Variants in PLAG1 observed in about 807,000 individuals in gnomAD.
The protein encoded by PLAG1 is PLAG1 zinc finger.
In PLAG1, 7 loss-of-function variants were observed where a neutral mutation model predicts 35.5. That is an observed-to-expected ratio of 0.20 (90% CI 0.11 to 0.37). The LOEUF is 0.37. PLAG1 is among the 10% of genes least tolerant of loss of function. PLAG1 has a pLI of 1.00. For missense variants in PLAG1, 454 were observed against 602.8 expected (o/e 0.75, Z 2.58); for synonymous variants, 229 against 225.4 (o/e 1.02, Z -0.14).
chr8:56,186,040 T>G (rs572329167), intron 1 of PLAG1, among the ~76,000 whole-genome samples: 53 of 151,556 alleles, frequency 3.5e-4, no homozygotes, highest in African/African-American at 1.3e-3. Flanking sequence ...AGTCACAAAC[T>G]GTATGGTGGG....
intron 2 of PLAG1, among the ~76,000 whole-genome samples, chr8:56,178,292 A>T (rs1021983166): frequency 5.9e-5 from 9 of 152,192 alleles, no homozygotes; most frequent in Admixed American, 1.3e-4. Flanking sequence ...TAGTTTGGCT[A>T]AGTAAAACTA....
In PLAG1 at chr8:56,167,971, C is replaced by T. The variant is rs1811409386; in HGVS notation, c.242+57G>A. 2 of 977,464 alleles carry T rather than the reference C, an allele frequency of 2.0e-6. No homozygotes were observed. The allele number at this position is 977,464 out of a possible 1,614,324, so 60.5% of individuals were successfully genotyped here. A position where few individuals can be genotyped will look rare whatever the true frequency, so the allele number is the denominator to read the frequency against. On this transcript the variant is annotated intron_variant, in intron 4 of 4. Coordinates refer to ENST00000316981, the MANE Select transcript of PLAG1 (RefSeq NM_002655.3). This position sits in a 1 kb window ranked among gnomAD's most constrained non-coding sequence, Gnocchi z 5.9. ...ATACAAATACATACGTTTACAATGG[C>T]TTCAAACAGCCAACATAAGAGAAAA...
chr8:56,183,867 A>C (rs1208313005), intron 1 of PLAG1, among the ~76,000 whole-genome samples: 1 of 152,198 alleles, frequency 6.6e-6, no homozygotes, highest in Non-Finnish European at 1.5e-5. Flanking sequence ...TAAAACCTAA[A>C]ACTATAAAAC....
intron 1 of PLAG1, among the ~76,000 whole-genome samples, chr8:56,205,342 AT>A (rs1245311150): frequency 6.6e-6 from 1 of 151,902 alleles, no homozygotes; most frequent in Non-Finnish European, 1.5e-5. Context: ...AATTTTTCTT[AT>A]TTAAAAAAAA....
At chr8:56,174,796 A>G (rs1001154750) in intron 2 of PLAG1, among the ~76,000 whole-genome samples, 5 of 152,282 alleles carry the variant, frequency 3.3e-5, no homozygotes, top group Middle Eastern at 6.8e-3. Context: ...ACATGCACAG[A>G]CTTTTTTGGT....
intron 3 of PLAG1, among the ~76,000 whole-genome samples, chr8:56,170,568 G>C (rs975262017): frequency 1.8e-4 from 27 of 152,230 alleles, no homozygotes; most frequent in African/African-American, 6.5e-4. Flanking sequence ...TTTCCCAATT[G>C]CAGAATCTAC....
At position 56,161,177 on chromosome 8, in the gene PLAG1, TATACAA is replaced by T. The variant is rs1432594993; in HGVS notation, c.*5060_*5065del. On this transcript the variant is annotated 3_prime_UTR_variant, in exon 5 of 5. Transcript: ENST00000316981. ...AAAAATATGATCTTTGTCTATATTT[TATACAA>T]ATACAACAGTAGTTTGTGAATACAT... The T allele has an allele frequency of 1.0e-5, 2 of 193,788 alleles. No individual in the cohort carries two copies. Among genetic ancestry groups the T allele is most frequent in the Non-Finnish European group, 2.2e-5 (2 of 92,738 alleles). 12.0% of individuals were successfully genotyped at this position (193,788 alleles called of 1,614,324 possible). A position where few individuals can be genotyped will look rare whatever the true frequency, so the allele number is the denominator to read the frequency against.
intron 1 of PLAG1, among the ~76,000 whole-genome samples, chr8:56,210,833 T>C (rs1563400996): frequency 6.6e-6 from 1 of 151,804 alleles, no homozygotes; most frequent in Non-Finnish European, 1.5e-5. Flanking sequence ...TAAAGGTTTT[T>C]TTTTTTTTCC....
In PLAG1 at chr8:56,166,944, G is replaced by T; in HGVS notation, c.802C>A (p.Pro268Thr). ...TCACTGGAAGGTAAGGACATCACCG[G>T]AAGGAGCTCGTCTTTTATAGGCACA... ...VSVPIKDELL[P>T]VMSLPSSELL... The change falls in exon 5 of 5, where the codon CCG becomes ACG. Residue 268 changes from proline (P) to threonine (T), a missense_variant. Coordinates refer to ENST00000316981, the MANE Select transcript of PLAG1 (RefSeq NM_002655.3). The T allele has an allele frequency of 6.2e-7, 1 of 1,614,074 alleles. No homozygotes were observed. The highest frequency in any genetic ancestry group is 8.5e-7 in the Non-Finnish European group (1 of 1,179,962).
Position 56,166,921 on chromosome 8 carries a change from A to C in PLAG1, c.825T>G (p.Ser275Arg), listed in dbSNP as rs750403909. 6.2e-6 allele frequency: 10 copies of C among 1,614,104 alleles called. No homozygotes were observed. In the East Asian group the frequency reaches 6.7e-5, roughly 11 times the overall value. Residue 275 changes from serine to arginine, a missense_variant, in exon 5 of 5, where the codon AGT (serine) becomes AGG (arginine). Coordinates refer to ENST00000316981, the MANE Select transcript of PLAG1 (RefSeq NM_002655.3). ...ELLPVMSLPS[S>R]ELLSKPFTNT... ...TTGTGAATGGCTTTGATAACAGTTC[A>C]CTGGAAGGTAAGGACATCACCGGAA...
At position 56,166,811 on chromosome 8, in the gene PLAG1, G is replaced by C. The variant is rs755104944; in HGVS notation, c.935C>G (p.Pro312Arg). 6.2e-7 allele frequency: 1 copy of C among 1,613,992 alleles called. No individual in the cohort carries two copies. Among genetic ancestry groups the C allele is most frequent in the Admixed American group, 1.7e-5 (1 of 60,022 alleles). Residue 312 changes from proline to arginine, a missense_variant, in exon 5 of 5, where the codon CCT becomes CGT. Physicochemically the swap from Pro to Arg is moderately radical, Grantham distance 103. Coordinates refer to ENST00000316981, the MANE Select transcript of PLAG1 (RefSeq NM_002655.3). The part of the protein sequence containing the change: ...GSAHQMITTL[P>R]LGMTCPIDMD... ...ATCTATTGGGCATGTCATTCCCAAAGGTAAAGTTGTGATCATTTGGTGGGC... is the reference window on the plus strand; with the variant it reads ...ATCTATTGGGCATGTCATTCCCAAACGTAAAGTTGTGATCATTTGGTGGGC...
chr8:56,184,422 G>T (rs569078610), intron 1 of PLAG1, among the ~76,000 whole-genome samples: 1 of 152,210 alleles, frequency 6.6e-6, no homozygotes, highest in African/African-American at 2.4e-5. Context: ...AAACAGTTTG[G>T]CAATTTATTT....
intron 1 of PLAG1, among the ~76,000 whole-genome samples, chr8:56,202,991 T>C (rs1812597338): frequency 6.6e-6 from 1 of 152,152 alleles, no homozygotes; most frequent in African/African-American, 2.4e-5. Context: ...ATTAAATGCT[T>C]GATAATTAAG....
intron 1 of PLAG1, among the ~76,000 whole-genome samples, chr8:56,199,172 T>C (rs934858673): frequency 6.6e-6 from 1 of 151,792 alleles, no homozygotes; most frequent in Non-Finnish European, 1.5e-5. Context: ...ATGCTGGTGG[T>C]TGGGGGGACA....
Position 56,167,968 on chromosome 8 carries a change from T to A in PLAG1, c.242+60A>T. 1 of 925,502 alleles carries A rather than the reference T, an allele frequency of 1.1e-6. No homozygotes were observed. Among genetic ancestry groups the A allele is most frequent in the Non-Finnish European group, 1.7e-6 (1 of 600,470 alleles). The allele number at this position is 925,502 out of a possible 1,614,324, so 57.3% of individuals were successfully genotyped here. On this transcript the variant is annotated intron_variant, in intron 4 of 4. Coordinates refer to ENST00000316981, the MANE Select transcript of PLAG1 (RefSeq NM_002655.3). This position sits in a 1 kb window ranked among gnomAD's most constrained non-coding sequence, Gnocchi z 5.9. Reference sequence around the variant, plus strand: ...TGTATACAAATACATACGTTTACAATGGCTTCAAACAGCCAACATAAGAGA... The same window carrying A: ...TGTATACAAATACATACGTTTACAAAGGCTTCAAACAGCCAACATAAGAGA...
intron 1 of PLAG1, among the ~76,000 whole-genome samples, chr8:56,180,355 T>A (rs36088882): frequency 0.14 from 21,751 of 152,234 alleles, 1,794 homozygotes; most frequent in Middle Eastern, 0.19. Context: ...TATGTATGGT[T>A]CCAGTCTGAG....
At chr8:56,205,070 G>C (rs1231254791) in intron 1 of PLAG1, among the ~76,000 whole-genome samples, 1 of 151,862 alleles carries the variant, frequency 6.6e-6, no homozygotes, top group Non-Finnish European at 1.5e-5. Flanking sequence ...CTTTGTTGGT[G>C]AAATGTTATC....
chr8:56,195,879 C>T (rs751957561), intron 1 of PLAG1, among the ~76,000 whole-genome samples: 3 of 152,144 alleles, frequency 2.0e-5, no homozygotes, highest in Non-Finnish European at 4.4e-5. Context: ...TGTTACAGCT[C>T]GGGGCACTTG....
intron 1 of PLAG1, among the ~76,000 whole-genome samples, chr8:56,181,417 GA>G (rs1302600705): frequency 6.6e-6 from 1 of 152,216 alleles, no homozygotes; most frequent in Non-Finnish European, 1.5e-5. Flanking sequence ...GTCCTTTGCA[GA>G]GACATGGATG....
Sources: gnomAD v4.1 joint callset for allele counts (sites outside exome capture counted in the v4.1 genomes callset) on GRCh38, gnomAD v4.1.1 for gene constraint, Gnocchi (gnomAD v3.1) non-coding constraint, MANE v1.5 for transcripts, NCBI Gene and HGNC (gene_info 2026-07-23, HGNC 2026-07-21) for gene names.